CCN3: variants seen among roughly 807,000 people sequenced by gnomAD.
CCN3 encodes CCN family member 3.
Under a neutral mutation model 33.4 loss-of-function variants are expected in CCN3, and 20 were observed. The observed-to-expected ratio is 0.60, with a 90% CI of 0.42 to 0.87. The LOEUF is 0.87. Ranked by LOEUF, CCN3 falls within the 40% of genes least tolerant of loss-of-function variation. The pLI, the probability that CCN3 is intolerant of heterozygous loss-of-function variation, is 0.00. For synonymous variants in CCN3, 205 were observed against 170.4 expected, an observed-to-expected ratio of 1.20 and a Z score of -1.58; for missense variants, 465 against 455.3, an observed-to-expected ratio of 1.02 and a Z score of -0.19.
chr8:119,419,469 C>G (rs1176449381), intron 4 of CCN3, 124 bp downstream of exon 4: 45 of 903,516 alleles, frequency 5.0e-5, no homozygotes, highest in Non-Finnish European at 5.0e-6. Flanking sequence ...GAGTTAACCC[C>G]AGAGAAAAGG....
Position 119,419,297 on chromosome 8 carries a change from C to A in CCN3, c.729C>A (p.Leu243=), listed in dbSNP as rs1820094165. The A allele has an allele frequency of 1.2e-6, 2 of 1,614,058 alleles. No individual in the cohort carries two copies. The highest frequency in any genetic ancestry group is 2.2e-5 in the South Asian group (2 of 91,074). Residue 243 remains leucine, a synonymous_variant, in exon 4 of 5, where the codon CTC becomes CTA. Transcript: ENST00000259526. ...GTGAGATGCTGAAACAGACTCGGCT[C>A]TGCATGGTGCGGCCCTGTGAACAAG... is the stretch of plus-strand genomic sequence containing the variant. ...RQCEMLKQTR[L]CMVRPCEQEP...
In CCN3 at chr8:119,422,939, T is replaced by C. The variant is rs1820146517; in HGVS notation, c.881T>C (p.Val294Ala). Residue 294 changes from valine (V) to alanine (A), a missense_variant, in exon 5 of 5, where the codon GTC becomes GCC. Transcript: ENST00000259526. Reference protein sequence around the residue: ...LHTYKPRFCGVCSDGRCCTPH... With the variant: ...LHTYKPRFCGACSDGRCCTPH... ...ACCTACAAGCCCAGGTTCTGTGGGG[T>C]CTGCAGTGATGGCCGCTGCTGCACT... 1.2e-6 allele frequency: 2 copies of C among 1,613,748 alleles called. No individual in the cohort carries two copies. Among genetic ancestry groups the C allele is most frequent in the Non-Finnish European group, 8.5e-7 (1 of 1,179,990 alleles).
Position 119,418,180 on chromosome 8 carries a change from C to G in CCN3, c.433C>G (p.Gln145Glu). ...DGQIGCVPRC[Q>E]LDVLLPEPNC... ...GCAGATTGGCTGTGTGCCCCGCTGT[C>G]AGCTGGATGTGCTACTGCCTGAGCC... The change falls in exon 3 of 5, where the codon CAG becomes GAG. Residue 145 changes from glutamine to glutamate, a missense_variant. Gln to Glu is a conservative substitution (Grantham distance 29). Coordinates refer to ENST00000259526, the MANE Select transcript of CCN3 (RefSeq NM_002514.4). The G allele has an allele frequency of 6.2e-7, 1 of 1,614,204 alleles. No individual in the cohort carries two copies. The highest frequency in any genetic ancestry group is 8.5e-7 in the Non-Finnish European group (1 of 1,180,044).
intron 4 of CCN3, among the ~76,000 whole-genome samples, chr8:119,420,800 G>A (rs1467378469): frequency 1.3e-5 from 2 of 152,124 alleles, no homozygotes; most frequent in African/African-American, 4.8e-5. Context: ...TAAACAAGAT[G>A]TTTCCATTTA....
At position 119,422,973 on chromosome 8, in the gene CCN3, T is replaced by TA; in HGVS notation, c.916dup (p.Thr306AsnfsTer34). 6.2e-7 allele frequency: 1 copy of TA among 1,614,064 alleles called. No individual in the cohort carries two copies. The highest frequency in any genetic ancestry group is 8.5e-7 in the Non-Finnish European group (1 of 1,180,020). Reference sequence around the variant, plus strand: ...ATGGCCGCTGCTGCACTCCCCACAATACCAAAACCATCCAGGCAGAGTTTC... The same window carrying TA: ...ATGGCCGCTGCTGCACTCCCCACAATAACCAAAACCATCCAGGCAGAGTTTC... On this transcript the variant is annotated frameshift_variant, in exon 5 of 5. Transcript: ENST00000259526. LOFTEE classifies it high-confidence loss of function.
intron 4 of CCN3, among the ~76,000 whole-genome samples, chr8:119,422,515 A>T (rs1415632905): frequency 6.6e-6 from 1 of 152,304 alleles, no homozygotes; most frequent in Non-Finnish European, 1.5e-5. Flanking sequence ...CATTATGTAC[A>T]ATTAGGCAAG....
chr8:119,418,083 C>G lies in CCN3; in HGVS notation c.336C>G (p.Phe112Leu). ...CTAVEGDNCVFDGVIYRSGEK... is the reference protein window; with the variant it reads ...CTAVEGDNCVLDGVIYRSGEK... ...CGGTAGAGGGAGATAACTGTGTGTT[C>G]GATGGGGTCATCTACCGCAGTGGAG... Residue 112 changes from phenylalanine (F) to leucine (L), a missense_variant, in exon 3 of 5, where the codon TTC becomes TTG. Transcript: ENST00000259526. The G allele has an allele frequency of 6.2e-7, 1 of 1,613,886 alleles. No homozygotes were observed. The highest frequency in any genetic ancestry group is 8.5e-7 in the Non-Finnish European group (1 of 1,179,764).
chr8:119,422,114 G>A (rs1820131910), intron 4 of CCN3, among the ~76,000 whole-genome samples: 3 of 151,946 alleles, frequency 2.0e-5, no homozygotes, highest in African/African-American at 7.3e-5. Context: ...TAGGTGAAGG[G>A]GAAACAAAAC....
chr8:119,419,937 T>G (rs930694583), intron 4 of CCN3: 3 of 152,932 alleles, frequency 2.0e-5, no homozygotes, highest in Non-Finnish European at 2.9e-5. Flanking sequence ...TTTTATTTTT[T>G]TTTTGTTGGA....
At chr8:119,422,313 C>T (rs1317165895) in intron 4 of CCN3, among the ~76,000 whole-genome samples, 1 of 152,110 alleles carries the variant, frequency 6.6e-6, no homozygotes, top group Non-Finnish European at 1.5e-5. Flanking sequence ...AATTACCTCC[C>T]ACCAGGCCCC....
chr8:119,418,889 A>G (rs1820088131), intron 3 of CCN3, among the ~76,000 whole-genome samples: 1 of 152,246 alleles, frequency 6.6e-6, no homozygotes, highest in African/African-American at 2.4e-5. Context: ...GAAGCCATTA[A>G]TTAGCCAGAT....
At chr8:119,417,210 C>T (rs987777707) in intron 2 of CCN3, 12 of 498,646 alleles carry the variant, frequency 2.4e-5, no homozygotes, top group Middle Eastern at 5.1e-4. Context: ...CCTCACTTGG[C>T]TTCCTAGACA....
chr8:119,417,224 A>T, intron 2 of CCN3: 1 of 474,512 alleles, frequency 2.1e-6, no homozygotes, highest in East Asian at 3.7e-5. Flanking sequence ...CTAGACAAGA[A>T]TCTAAGCAAA....
intron 4 of CCN3, among the ~76,000 whole-genome samples, chr8:119,421,840 C>T (rs368246785): frequency 6.6e-6 from 1 of 152,132 alleles, no homozygotes; most frequent in African/African-American, 2.4e-5. Context: ...ATCTGTAAAA[C>T]TTGGGCAATT....
Position 119,423,794 on chromosome 8 carries a change from T to A in CCN3, c.*662T>A, listed in dbSNP as rs1366593458. 2 of 152,226 alleles carry A rather than the reference T, an allele frequency of 1.3e-5. No homozygotes were observed. Among genetic ancestry groups the A allele is most frequent in the Non-Finnish European group, 2.9e-5 (2 of 68,040 alleles). 9.4% of individuals were successfully genotyped at this position (152,226 alleles called of 1,614,324 possible). On this transcript the variant is annotated 3_prime_UTR_variant, in exon 5 of 5. Transcript: ENST00000259526. ...TCTCCATTTAAGACACATTGACTCC[T>A]TTCCAATAGAAAGAAACTAAACAGA...
intron 4 of CCN3, among the ~76,000 whole-genome samples, chr8:119,421,011 C>CTTTTTTTTTT (rs770175066): frequency 2.1e-4 from 16 of 75,028 alleles, no homozygotes; most frequent in African/African-American, 2.2e-4. Context: ...GACAGTGGTT[C>CTTTTTTTTTT]TTTTTTTTTT....
intron 4 of CCN3, 100 bp from the exon 5 acceptor site, chr8:119,422,736 T>A (rs1305971687): frequency 1.1e-6 from 1 of 930,866 alleles, no homozygotes; most frequent in East Asian, 2.4e-5. Context: ...GAAAGACCAA[T>A]AGATATTGGG....
In CCN3 at chr8:119,416,977, T is replaced by C. The variant is rs1253426147; in HGVS notation, c.310+8T>C. 13 of 1,597,888 alleles carry C rather than the reference T, an allele frequency of 8.1e-6. No homozygotes were observed. The highest frequency in any genetic ancestry group is 1.1e-5 in the Non-Finnish European group (13 of 1,169,160). ...AGACTGGCATCTGCACGGGTAATCC[T>C]GCTCCCTCTGCTGTTTGACCTCTTC... On this transcript the variant is annotated splice_region_variant and intron_variant, in intron 2 of 4. Coordinates refer to ENST00000259526, the MANE Select transcript of CCN3 (RefSeq NM_002514.4).
At chr8:119,418,344 T>C in intron 3 of CCN3, 35 bp downstream of exon 3, 3 of 1,604,704 alleles carry the variant, frequency 1.9e-6, no homozygotes, top group Non-Finnish European at 2.6e-6. Flanking sequence ...CTGGTCATAG[T>C]AGAGGGTAAA....
Sources: gnomAD v4.1 joint callset for allele counts (sites outside exome capture counted in the v4.1 genomes callset) on GRCh38, gnomAD v4.1.1 for gene constraint, MANE v1.5 for transcripts, NCBI Gene and HGNC (gene_info 2026-07-23, HGNC 2026-07-21) for gene names.